ACOT12: variants seen among roughly 807,000 people sequenced by gnomAD.
ACOT12 encodes acetyl-coenzyme A thioesterase.
A neutral mutation model predicts 67.7 loss-of-function variants in ACOT12; 51 were observed. That is an observed-to-expected ratio of 0.75 (90% CI 0.60 to 0.95). ACOT12 has a LOEUF of 0.95. Among genes scored for constraint, ACOT12 ranks in the 40% least tolerant of loss-of-function variants. ACOT12 has a pLI of 0.00. For synonymous variants in ACOT12, 251 were observed against 244.6 expected (o/e 1.03, Z -0.24); for missense variants, 734 against 708.1 (o/e 1.04, Z -0.41).
chr5:81,380,971 C>CTG (rs1760565808), intron 2 of ACOT12, among the ~76,000 whole-genome samples: 1 of 152,058 alleles, frequency 6.6e-6, no homozygotes, highest in Admixed American at 6.6e-5. Context: ...TGTTATTGTG[C>CTG]TGAATACTGT....
rs943823324 is a variant in ACOT12 at position 81,393,998 on chromosome 5, G to T, written c.117C>A (p.Ala39=). Residue 39 remains alanine (A), a synonymous_variant, in exon 1 of 15, where the codon GCC becomes GCA. Coordinates refer to ENST00000307624, the MANE Select transcript of ACOT12 (RefSeq NM_130767.3). ...GQLLKWIDTT[A]CLAAEKHAGV... is the part of the protein sequence containing the mutation. ...CCGGCGCCCGCCTACCCGCCAGGCA[G>T]GCGGTGGTGTCGATCCACTTGAGCA... 3 of 1,398,778 alleles carry T rather than the reference G, an allele frequency of 2.1e-6. No homozygotes were observed. Among genetic ancestry groups the T allele is most frequent in the African/African-American group, 3.0e-5 (2 of 66,858 alleles). The allele number at this position is 1,398,778 out of a possible 1,614,324, so 86.6% of individuals were successfully genotyped here. A position where few individuals can be genotyped will look rare whatever the true frequency, so the allele number is the denominator to read the frequency against.
At position 81,363,101 on chromosome 5, in the gene ACOT12, T is replaced by C. The variant is rs146263189; in HGVS notation, c.360+687A>G. On this transcript the variant is annotated intron_variant, in intron 4 of 14. Transcript: ENST00000307624. ...GATGATCCTTGGAGTGAAAGACTCATATTCCAGATTGAATTATCACAGTGT... is the reference window on the plus strand; with the variant it reads ...GATGATCCTTGGAGTGAAAGACTCACATTCCAGATTGAATTATCACAGTGT... 5.3e-4 allele frequency among the ~76,000 whole-genome samples: 81 copies of C among 152,112 alleles called. No individual in the cohort carries two copies. In the East Asian group the frequency reaches 0.013, roughly 24 times the overall value.
chr5:81,330,566 T>C lies in ACOT12; in HGVS notation c.1519-23A>G, dbSNP rs962362940. The C allele has an allele frequency of 3.1e-6, 5 of 1,610,490 alleles. No homozygotes were observed. The Admixed American group carries it at 8.4e-5, about 27-fold the overall frequency. ...TACCTGTTTCAAAAAGAAAGTACAA[T>C]ATTTTAATTTCTTATTGACTTGGAG... On this transcript the variant is annotated intron_variant, in intron 14 of 14. Transcript: ENST00000307624.
chr5:81,364,348 T>C (rs1760009632), intron 3 of ACOT12, among the ~76,000 whole-genome samples: 1 of 151,858 alleles, frequency 6.6e-6, no homozygotes, highest in Non-Finnish European at 1.5e-5. Context: ...TTATATTACA[T>C]ACATATGACA....
intron 5 of ACOT12, among the ~76,000 whole-genome samples, chr5:81,353,668 T>C (rs568753734): frequency 6.6e-6 from 1 of 152,374 alleles, no homozygotes; most frequent in Non-Finnish European, 1.5e-5. Flanking sequence ...GTAGTATTTC[T>C]GAGATGTGCG....
chr5:81,373,980 G>A (rs576248263), intron 2 of ACOT12, among the ~76,000 whole-genome samples: 2 of 152,326 alleles, frequency 1.3e-5, no homozygotes, highest in Admixed American at 6.5e-5. Context: ...CAGCGTCCGA[G>A]CTCTGATAAG....
intron 12 of ACOT12, 88 bp downstream of exon 12, chr5:81,335,680 T>C (rs1417900084): frequency 2.8e-6 from 4 of 1,434,122 alleles, no homozygotes; most frequent in East Asian, 2.3e-5. Context: ...GGGTCACACA[T>C]TGGACGATGG....
intron 4 of ACOT12, among the ~76,000 whole-genome samples, chr5:81,362,279 T>C (rs1260997694): frequency 1.3e-5 from 2 of 151,684 alleles, no homozygotes; most frequent in African/African-American, 2.4e-5. Flanking sequence ...GAGTCTCCTG[T>C]CTCAGCTTCC....
chr5:81,356,060 C>T (rs886166169), intron 5 of ACOT12, among the ~76,000 whole-genome samples: 1 of 152,152 alleles, frequency 6.6e-6, no homozygotes, highest in Non-Finnish European at 1.5e-5. Flanking sequence ...CCCCACCCCC[C>T]GCATCCTTGT....
intron 12 of ACOT12, among the ~76,000 whole-genome samples, chr5:81,333,451 G>C: frequency 6.6e-6 from 1 of 152,092 alleles, no homozygotes; most frequent in East Asian, 1.9e-4. Flanking sequence ...ATGATACGTG[G>C]GGTTATTGCA....
intron 5 of ACOT12, among the ~76,000 whole-genome samples, chr5:81,352,053 A>G (rs190651835): frequency 5.8e-4 from 88 of 152,324 alleles, no homozygotes; most frequent in African/African-American, 2.1e-3. Context: ...AACTACAATG[A>G]GGTATCATCT....
chr5:81,331,130 C>A (rs898237836), intron 13 of ACOT12, among the ~76,000 whole-genome samples, 190 bp from the exon 14 acceptor site: 1 of 152,202 alleles, frequency 6.6e-6, no homozygotes, highest in Admixed American at 6.5e-5. Context: ...GTGTTTTCTG[C>A]CTTAGAATTG....
chr5:81,378,923 G>A (rs987297456), intron 2 of ACOT12, among the ~76,000 whole-genome samples: 2 of 152,134 alleles, frequency 1.3e-5, no homozygotes, highest in Admixed American at 6.5e-5. Flanking sequence ...ACAACGTGGC[G>A]ATTCCTCAAG....
Position 81,332,490 on chromosome 5 carries a change from G to C in ACOT12, c.1378C>G (p.Pro460Ala). The C allele has an allele frequency of 6.2e-7, 1 of 1,613,946 alleles. No individual in the cohort carries two copies. The highest frequency in any genetic ancestry group is 1.1e-5 in the South Asian group (1 of 91,076). The change falls in exon 13 of 15, where the codon CCC (proline) becomes GCC (alanine). Residue 460 changes from proline to alanine, a missense_variant. By Grantham distance (27) the Pro-to-Ala change is conservative (BLOSUM62 -1). Coordinates refer to ENST00000307624, the MANE Select transcript of ACOT12 (RefSeq NM_130767.3). ...GCATATACTCACCCATCTTTGAGGG[G>C]TTTTCTTCGTGATACGAGTACTACC... ...DLVVLVSRRK[P>A]LKDGNTYTVA...
At chr5:81,338,048 C>T (rs947349947) in intron 11 of ACOT12, among the ~76,000 whole-genome samples, 2 of 152,140 alleles carry the variant, frequency 1.3e-5, no homozygotes, top group Non-Finnish European at 2.9e-5. Flanking sequence ...GTCCCCGTTG[C>T]CCTGCTGTAT....
intron 11 of ACOT12, among the ~76,000 whole-genome samples, chr5:81,341,864 A>C (rs1258905763): frequency 6.6e-6 from 1 of 152,270 alleles, no homozygotes; most frequent in Non-Finnish European, 1.5e-5. Flanking sequence ...TAAGAGGTTT[A>C]TAATGTACTT....
Position 81,347,773 on chromosome 5 carries a change from C to A in ACOT12, c.653+1G>T, listed in dbSNP as rs763849760. The stretch of plus-strand genomic sequence containing the variant: ...ATAGGCCGAAGGTCAAAACCAAGAA[C>A]CTTGCAGAAATAGTAGCCACTGTCT... On this transcript the variant is annotated splice_donor_variant, in intron 6 of 14. Coordinates refer to ENST00000307624, the MANE Select transcript of ACOT12 (RefSeq NM_130767.3). LOFTEE classifies it high-confidence loss of function. The A allele has an allele frequency of 2.5e-6, 4 of 1,613,490 alleles. No homozygotes were observed. Among genetic ancestry groups the A allele is most frequent in the Admixed American group, 1.7e-5 (1 of 59,934 alleles).
the ACOT12 span, among the ~76,000 whole-genome samples, chr5:81,324,597 G>C: frequency 6.6e-6 from 1 of 152,194 alleles, no homozygotes; most frequent in Non-Finnish European, 1.5e-5. Flanking sequence ...AGATATAGAG[G>C]AGAAGAGGCC....
intron 1 of ACOT12, among the ~76,000 whole-genome samples, chr5:81,389,360 T>A (rs180930062): frequency 6.6e-6 from 1 of 152,186 alleles, no homozygotes; most frequent in Non-Finnish European, 1.5e-5. Context: ...TTCTTCAAGA[T>A]ATTGTTGCAC....
Sources: allele counts gnomAD v4.1 joint callset (sites outside exome capture counted in the v4.1 genomes callset), GRCh38; gene constraint gnomAD v4.1.1; transcripts MANE v1.5; gene names NCBI Gene and HGNC (gene_info 2026-07-23, HGNC 2026-07-21).